The following MALRD1 variants were observed in gnomAD, a reference collection of about 807,000 sequenced individuals.
The protein encoded by MALRD1 is MAM and LDL-receptor class A domain-containing protein 1.
MALRD1 carries 247 observed loss-of-function variants against 242.1 expected under a neutral mutation model. That is an observed-to-expected ratio of 1.02 (90% CI 0.92 to 1.13). The LOEUF is 1.13. MALRD1 is among the 50% of genes most tolerant of loss of function. MALRD1 has a pLI of 0.00. For synonymous variants in MALRD1, 995 were observed against 866.6 expected, an observed-to-expected ratio of 1.15 and a Z score of -2.60; for missense variants, 2,989 against 2,533.1, an observed-to-expected ratio of 1.18 and a Z score of -3.86.
intron 36 of MALRD1, among the ~76,000 whole-genome samples, chr10:19,628,375 A>G (rs1284991810): frequency 2.6e-5 from 4 of 152,206 alleles, no homozygotes; most frequent in South Asian, 2.1e-4. Context: ...GCATTTTGCA[A>G]TAGCACCATA....
At chr10:19,691,887 T>A (rs75291372) in intron 36 of MALRD1, among the ~76,000 whole-genome samples, 4 of 152,112 alleles carry the variant, frequency 2.6e-5, no homozygotes, top group Non-Finnish European at 5.9e-5. Context: ...GAATCTGCTC[T>A]GTTGGTTTTC....
At chr10:19,248,526 T>A (rs1839164150) in intron 18 of MALRD1, among the ~76,000 whole-genome samples, 2 of 152,000 alleles carry the variant, frequency 1.3e-5, no homozygotes, top group African/African-American at 4.8e-5. Flanking sequence ...TAAATTGGTT[T>A]TGTATTATTT....
chr10:19,444,541 G>A (rs558418507), intron 28 of MALRD1, among the ~76,000 whole-genome samples: 1 of 152,210 alleles, frequency 6.6e-6, no homozygotes, highest in African/African-American at 2.4e-5. Flanking sequence ...TGTCTGTAAA[G>A]GATTTTATTT....
chr10:19,481,260 G>A (rs1290701727), intron 29 of MALRD1, among the ~76,000 whole-genome samples: 1 of 152,128 alleles, frequency 6.6e-6, no homozygotes, highest in Non-Finnish European at 1.5e-5. Context: ...ACTGAAGTTT[G>A]CTGTCACTGA....
chr10:19,191,541 T>C (rs1835975562), intron 14 of MALRD1, among the ~76,000 whole-genome samples: 1 of 152,180 alleles, frequency 6.6e-6, no homozygotes, highest in Non-Finnish European at 1.5e-5. Flanking sequence ...ATTTGCACAC[T>C]CATGTTCATA....
intron 33 of MALRD1, among the ~76,000 whole-genome samples, chr10:19,587,473 A>G (rs1472690520): frequency 1.3e-5 from 2 of 152,222 alleles, no homozygotes. Context: ...CTCTAAACAT[A>G]TTAATCATAA....
chr10:19,551,091 T>C (rs1835450230), intron 32 of MALRD1, among the ~76,000 whole-genome samples: 2 of 152,192 alleles, frequency 1.3e-5, no homozygotes. Context: ...TTCATATGAT[T>C]GTTGGCTGCA....
chr10:19,136,503 T>C lies in MALRD1; in HGVS notation c.1204-71T>C, dbSNP rs567643001. ...TTTCTCAATAACTACTTTGTCTTTA[T>C]CAACCTTCTTTAGTTTTTTGTCTTA... On this transcript the variant is annotated intron_variant, in intron 9 of 39. Coordinates refer to ENST00000454679, the MANE Select transcript of MALRD1 (RefSeq NM_001142308.3). 8.1e-5 allele frequency: 72 copies of C among 883,448 alleles called. No homozygotes were observed. The African/African-American group carries it at 1.2e-3, about 14-fold the overall frequency. 54.7% of individuals were successfully genotyped at this position (883,448 alleles called of 1,614,324 possible). A position where few individuals can be genotyped will look rare whatever the true frequency, so the allele number is the denominator to read the frequency against.
In MALRD1 at chr10:19,352,207, G is replaced by A. The variant is rs1564586325; in HGVS notation, c.4351G>A (p.Asp1451Asn). The change falls in exon 26 of 40, where the codon GAC (aspartate) becomes AAC (asparagine). Residue 1451 changes from aspartate (D) to asparagine (N), a missense_variant. Coordinates refer to ENST00000454679, the MANE Select transcript of MALRD1 (RefSeq NM_001142308.3). ...EGRVGKGQRGDIALDDIVLTE... is the reference protein window; with the variant it reads ...EGRVGKGQRGNIALDDIVLTE... ...TAGAGTTGGGAAAGGTCAGCGTGGAGACATTGCACTTGATGACATTGTGCT... is the reference window on the plus strand; with the variant it reads ...TAGAGTTGGGAAAGGTCAGCGTGGAAACATTGCACTTGATGACATTGTGCT... 1.3e-6 allele frequency: 2 copies of A among 1,550,342 alleles called. No individual in the cohort carries two copies. Among genetic ancestry groups the A allele is most frequent in the Admixed American group, 3.9e-5 (2 of 50,970 alleles).
At position 19,091,805 on chromosome 10, in the gene MALRD1, G is replaced by A. The variant is rs1202451281; in HGVS notation, c.597+3620G>A. Reference sequence around the variant, plus strand: ...GTATGTGGTGTCTTTGTTCTCGTTGGTTTCAAAGAACATCTTTATTTCTGC... The same window carrying A: ...GTATGTGGTGTCTTTGTTCTCGTTGATTTCAAAGAACATCTTTATTTCTGC... On this transcript the variant is annotated intron_variant, in intron 4 of 39. Transcript: ENST00000454679. Among the ~76,000 whole-genome samples the A allele has an allele frequency of 2.2e-5, 2 of 90,238 alleles. 1 individual carries two copies. The highest frequency in any genetic ancestry group is 6.3e-4 in the East Asian group (2 of 3,178). The allele number at this position is 90,238 out of a possible 152,430, so 59.2% of individuals were successfully genotyped here.
intron 34 of MALRD1, among the ~76,000 whole-genome samples, chr10:19,599,333 A>C (rs1420200746): frequency 6.6e-6 from 1 of 152,160 alleles, no homozygotes; most frequent in East Asian, 1.9e-4. Context: ...CTGTGAGTTC[A>C]ACGTTTAAGA....
intron 19 of MALRD1, among the ~76,000 whole-genome samples, chr10:19,270,328 TCTCTCTCTCA>T (rs1360170129): frequency 9.4e-4 from 89 of 94,402 alleles, no homozygotes; most frequent in Middle Eastern, 0.011. Flanking sequence ...TCTCTCTCTC[TCTCTCTCTCA>T]CACACACACA....
chr10:19,586,762 A>T (rs1837431113), intron 33 of MALRD1, among the ~76,000 whole-genome samples: 1 of 152,220 alleles, frequency 6.6e-6, no homozygotes, highest in African/African-American at 2.4e-5. Flanking sequence ...ACCCAGTTCC[A>T]GCTTCCTGGC....
intron 18 of MALRD1, among the ~76,000 whole-genome samples, chr10:19,219,273 C>A (rs1588714687): frequency 6.6e-6 from 1 of 151,998 alleles, no homozygotes; most frequent in South Asian, 2.1e-4. Flanking sequence ...GCACTGGTCA[C>A]TTATACTAAT....
At chr10:19,077,790 A>T (rs1835362778) in intron 2 of MALRD1, among the ~76,000 whole-genome samples, 1 of 151,868 alleles carries the variant, frequency 6.6e-6, no homozygotes, top group Non-Finnish European at 1.5e-5. Context: ...CTCCTCTACC[A>T]CCTACCAGTT....
rs1474226564 is a variant in MALRD1, at chr10:19,389,494, G to A, written c.4730G>A (p.Gly1577Asp). ...YLEATAVGLR[G>D]DKAHFRSTMW... ...GAAGCTACTGCAGTGGGCCTTCGGGGTGACAAAGCACACTTCAGGAGTACC... is the reference window on the plus strand; with the variant it reads ...GAAGCTACTGCAGTGGGCCTTCGGGATGACAAAGCACACTTCAGGAGTACC... The change falls in exon 28 of 40, where the codon GGT becomes GAT. Residue 1577 changes from glycine (G) to aspartate (D), a missense_variant. Transcript: ENST00000454679. The A allele has an allele frequency of 1.9e-6, 3 of 1,550,554 alleles. No homozygotes were observed. Among genetic ancestry groups the A allele is most frequent in the Non-Finnish European group, 8.7e-7 (1 of 1,146,964 alleles).
chr10:19,389,635 T>A (rs948700224), intron 28 of MALRD1, 26 bp downstream of exon 28: 17 of 1,541,206 alleles, frequency 1.1e-5, no homozygotes, highest in Non-Finnish European at 1.5e-5. Flanking sequence ...GTGATGCCTC[T>A]GAGCTTGTTT....
intron 33 of MALRD1, among the ~76,000 whole-genome samples, chr10:19,585,459 G>T (rs1161092643): frequency 6.6e-6 from 1 of 151,962 alleles, no homozygotes; most frequent in African/African-American, 2.4e-5. Flanking sequence ...TGTCTGTAAA[G>T]TATTTTATTT....
chr10:19,493,645 TA>T (rs758905906), intron 30 of MALRD1, among the ~76,000 whole-genome samples: 19,898 of 122,008 alleles, frequency 0.16, 3,931 homozygotes, highest in African/African-American at 0.48. Context: ...CCGTCTCTAC[TA>T]AAAAAAAAAA....
Sources: allele counts gnomAD v4.1 joint callset (sites outside exome capture counted in the v4.1 genomes callset), GRCh38; gene constraint gnomAD v4.1.1; transcripts MANE v1.5; gene names NCBI Gene and HGNC (gene_info 2026-07-23, HGNC 2026-07-21).